Variants in MYBPC1 observed in about 807,000 individuals in gnomAD.
MYBPC1 encodes the protein myosin binding protein C1, also known as myosin-binding protein C, slow-type.
MYBPC1 carries 52 observed loss-of-function variants against 147.1 expected under a neutral mutation model. The ratio of observed to expected loss-of-function variants is 0.35; its 90% confidence interval spans 0.28 to 0.45. MYBPC1 has a LOEUF of 0.45. MYBPC1 is among the 20% of genes least tolerant of loss of function. The pLI, the probability that MYBPC1 is intolerant of heterozygous loss-of-function variation, is 1.00. For missense variants in MYBPC1, 1,228 were observed against 1,440.3 expected (o/e 0.85, Z 2.39); for synonymous variants, 477 against 475.9 (o/e 1.00, Z -0.03).
rs1422647949 is a variant in MYBPC1 at position 101,671,562 on chromosome 12, G to A, written c.2613+1153G>A. Among the ~76,000 whole-genome samples, 5 of 152,160 alleles carry A rather than the reference G, an allele frequency of 3.3e-5. No homozygotes were observed. The East Asian group carries it at 7.7e-4, about 23-fold the overall frequency. ...GCAGAACACAGCCCAGGAGGAAGTG[G>A]GTGGCTTGGCAAGGTTCTTCTCACT... On this transcript the variant is annotated intron_variant, in intron 24 of 31. Transcript: ENST00000361466.
intron 21 of MYBPC1, 143 bp from the exon 22 acceptor site, chr12:101,663,283 C>T: frequency 1.3e-6 from 1 of 769,094 alleles, no homozygotes; most frequent in Non-Finnish European, 2.3e-6. Flanking sequence ...CACATCCATG[C>T]TCAAGGTGTC....
In MYBPC1 at chr12:101,648,053, A is replaced by G; in HGVS notation, c.1099A>G (p.Ile367Val). The change falls in exon 14 of 32, where the codon ATT becomes GTT. Residue 367 changes from isoleucine (I) to valine (V), a missense_variant. Around this residue, in one of 2 missense-constraint regions of MYBPC1, gnomAD observed 1,077 missense variants for 1,314.2 expected, o/e 0.82. Transcript: ENST00000361466. ...CCCTTTTTGTATACTAGAGCCTCCA[A>G]TTATGGTGACCAAACAGCTGGAAGA... ...STELFVREPP[I>V]MVTKQLEDTT... 6.2e-7 allele frequency: 1 copy of G among 1,610,858 alleles called. No individual in the cohort carries two copies. The highest frequency in any genetic ancestry group is 8.5e-7 in the Non-Finnish European group (1 of 1,177,176).
chr12:101,616,190 T>C (rs566004169), intron 2 of MYBPC1, among the ~76,000 whole-genome samples: 1 of 152,346 alleles, frequency 6.6e-6, no homozygotes. Flanking sequence ...CAGATTTATT[T>C]TCTTTAGATC....
intron 18 of MYBPC1, among the ~76,000 whole-genome samples, chr12:101,654,122 G>A (rs955517027): frequency 1.3e-5 from 2 of 152,120 alleles, no homozygotes; most frequent in Non-Finnish European, 2.9e-5. Flanking sequence ...CACAAGAATT[G>A]CTGGAACCCG....
intron 16 of MYBPC1, among the ~76,000 whole-genome samples, chr12:101,651,773 C>G (rs1393697720): frequency 6.6e-6 from 1 of 152,120 alleles, no homozygotes; most frequent in African/African-American, 2.4e-5. Flanking sequence ...AACCTCATCT[C>G]TACAAAAAAC....
chr12:101,672,276 C>G (rs1391158555), intron 24 of MYBPC1, among the ~76,000 whole-genome samples: 1 of 152,184 alleles, frequency 6.6e-6, no homozygotes, highest in Admixed American at 6.5e-5. Flanking sequence ...CTCTACATCT[C>G]TTATTATAAC....
At chr12:101,599,943 CT>C in intron 1 of MYBPC1, among the ~76,000 whole-genome samples, 1 of 152,252 alleles carries the variant, frequency 6.6e-6, no homozygotes, top group East Asian at 1.9e-4. Flanking sequence ...TGGCAGAATC[CT>C]TCTTTTTCAG....
intron 3 of MYBPC1, among the ~76,000 whole-genome samples, chr12:101,626,066 C>CA (rs1404784638): frequency 1.6e-5 from 1 of 62,734 alleles, no homozygotes; most frequent in Non-Finnish European, 2.8e-5. Flanking sequence ...CCAGCCTGGG[C>CA]AAAAAGAGTG....
chr12:101,638,616 A>T lies in MYBPC1; in HGVS notation c.665+1888A>T, dbSNP rs115056527. On this transcript the variant is annotated intron_variant, in intron 10 of 31. Coordinates refer to ENST00000361466, the MANE Select transcript of MYBPC1 (RefSeq NM_002465.4). ...AAGGAGACAACACACAAACACATAC[A>T]CAATCAATCAACAAAAATGTGATAC... Among the ~76,000 whole-genome samples the T allele has an allele frequency of 8.4e-3, 1,279 of 152,328 alleles. 14 individuals are homozygous for T. The highest frequency in any genetic ancestry group is 0.03 in the African/African-American group (1,231 of 41,568).
At chr12:101,651,831 T>C (rs1025132823) in intron 16 of MYBPC1, among the ~76,000 whole-genome samples, 3 of 152,056 alleles carry the variant, frequency 2.0e-5, no homozygotes, top group Non-Finnish European at 2.9e-5. Context: ...TCCCAACTAC[T>C]TGGGAGGTGG....
At chr12:101,608,052 C>T (rs1170024426) in intron 1 of MYBPC1, among the ~76,000 whole-genome samples, 4 of 152,232 alleles carry the variant, frequency 2.6e-5, no homozygotes, top group Non-Finnish European at 4.4e-5. Flanking sequence ...ATTAGAATGC[C>T]TTGGCACAGG....
intron 13 of MYBPC1, among the ~76,000 whole-genome samples, chr12:101,647,576 G>GAAAAAAAAC (rs141499097): frequency 6.6e-6 from 1 of 151,798 alleles, no homozygotes; most frequent in Non-Finnish European, 1.5e-5. Context: ...AACAGACATA[G>GAAAAAAAAC]AAAACAAAAC....
Position 101,648,093 on chromosome 12 carries a change from G to A in MYBPC1, c.1139G>A (p.Cys380Tyr). The change falls in exon 14 of 32, where the codon TGT becomes TAT. Residue 380 changes from cysteine to tyrosine, a missense_variant. Cys to Tyr is a radical substitution (Grantham distance 194). Coordinates refer to ENST00000361466, the MANE Select transcript of MYBPC1 (RefSeq NM_002465.4). ...TKQLEDTTAY[C>Y]GERVELECEV... ...CAGCTGGAAGATACAACTGCTTATTGTGGGGAGAGAGTGGAATTAGAATGT... is the reference window on the plus strand; with the variant it reads ...CAGCTGGAAGATACAACTGCTTATTATGGGGAGAGAGTGGAATTAGAATGT... The A allele has an allele frequency of 1.2e-6, 2 of 1,613,322 alleles. No homozygotes were observed. Among genetic ancestry groups the A allele is most frequent in the East Asian group, 2.2e-5 (1 of 44,848 alleles).
chr12:101,595,150 G>A, intron 1 of MYBPC1, 55 bp downstream of exon 1: 2 of 1,445,666 alleles, frequency 1.4e-6, no homozygotes, highest in Admixed American at 3.4e-5. Context: ...TGTTTATTTT[G>A]GTATTTATCT....
chr12:101,620,924 T>C (rs1281070865), intron 3 of MYBPC1, among the ~76,000 whole-genome samples: 1 of 152,096 alleles, frequency 6.6e-6, no homozygotes, highest in African/African-American at 2.4e-5. Context: ...CCACATAAAC[T>C]ATCGTGAATG....
At chr12:101,663,091 A>G (rs1896852768) in intron 21 of MYBPC1, among the ~76,000 whole-genome samples, 1 of 152,210 alleles carries the variant, frequency 6.6e-6, no homozygotes, top group African/African-American at 2.4e-5. Flanking sequence ...AAAAAATGTA[A>G]TACAAGTTTG....
At chr12:101,645,415 A>T (rs576893449) in intron 12 of MYBPC1, among the ~76,000 whole-genome samples, 1 of 152,220 alleles carries the variant, frequency 6.6e-6, no homozygotes, top group Admixed American at 6.5e-5. Flanking sequence ...TTATAAAACT[A>T]CTTTACAGAG....
chr12:101,690,991 T>C (rs1322005264), downstream of MYBPC1, among the ~76,000 whole-genome samples: 1 of 152,226 alleles, frequency 6.6e-6, no homozygotes, highest in Admixed American at 6.5e-5. Context: ...TAGCTAAAGC[T>C]CAGAATTCTC....
chr12:101,687,316 A>G (rs1373629392), downstream of MYBPC1, among the ~76,000 whole-genome samples: 3 of 151,990 alleles, frequency 2.0e-5, no homozygotes, highest in African/African-American at 7.3e-5. Context: ...GAGTGAGAAC[A>G]TGCGGTGTTT....
Sources: allele counts gnomAD v4.1 joint callset (sites outside exome capture counted in the v4.1 genomes callset), GRCh38; gene constraint gnomAD v4.1.1; regional missense constraint gnomAD v4.1.1; transcripts MANE v1.5; gene names NCBI Gene and HGNC (gene_info 2026-07-23, HGNC 2026-07-21).